The following IFT122 variants were observed in gnomAD, a reference collection of about 807,000 sequenced individuals.
The protein encoded by IFT122 is intraflagellar transport protein 122 homolog.
IFT122 carries 118 observed loss-of-function variants against 161.6 expected under a neutral mutation model. The ratio of observed to expected loss-of-function variants is 0.73; its 90% CI spans 0.63 to 0.85. The LOEUF (loss-of-function observed/expected upper bound fraction) is 0.85, where lower values mean the gene tolerates loss of function less well. Among genes scored for constraint, IFT122 ranks in the 40% least tolerant of loss-of-function variants. The pLI, the probability that IFT122 is intolerant of heterozygous loss-of-function variation, is 0.00. For synonymous variants in IFT122, 550 were observed against 602.4 expected (o/e 0.91, Z 1.27); for missense variants, 1,381 against 1,579.6 (o/e 0.87, Z 2.13).
chr3:129,450,099 A>G (rs1024579953), intron 2 of IFT122, among the ~76,000 whole-genome samples, 162 bp downstream of exon 2: 3 of 152,090 alleles, frequency 2.0e-5, no homozygotes, highest in Non-Finnish European at 4.4e-5. Flanking sequence ...GCTATTTAAA[A>G]CGGGCAAGTA....
At position 129,502,832 on chromosome 3, in the gene IFT122, G is replaced by A; in HGVS notation, c.2497G>A (p.Asp833Asn). 1 of 1,613,046 alleles carries A rather than the reference G, an allele frequency of 6.2e-7. No individual in the cohort carries two copies. The highest frequency in any genetic ancestry group is 8.5e-7 in the Non-Finnish European group (1 of 1,180,042). ...YAAETYLKMG[D>N]LKSLVQLHVE... ...TGCTGAGACCTACCTGAAGATGGGTGACCTCAAGTCCCTGGTGCAGCTGCA... is the reference window on the plus strand; with the variant it reads ...TGCTGAGACCTACCTGAAGATGGGTAACCTCAAGTCCCTGGTGCAGCTGCA... The change falls in exon 20 of 30, where the codon GAC becomes AAC. Residue 833 changes from aspartate (D) to asparagine (N), a missense_variant. Physicochemically the swap from Asp to Asn is conservative, Grantham distance 23. Coordinates refer to ENST00000348417, the MANE Select transcript of IFT122 (RefSeq NM_052989.3).
intron 3 of IFT122, among the ~76,000 whole-genome samples, chr3:129,452,427 G>A (rs1397633334): frequency 2.2e-5 from 3 of 137,170 alleles, no homozygotes; most frequent in South Asian, 4.6e-4. Context: ...AGGGCAGGGG[G>A]TTGGGTACAG....
intron 22 of IFT122, 41 bp from the exon 23 acceptor site, chr3:129,507,627 C>A: frequency 6.5e-7 from 1 of 1,528,790 alleles, no homozygotes; most frequent in Non-Finnish European, 9.1e-7. Context: ...GCCACAGACA[C>A]TGTTTGACAC....
intron 11 of IFT122, 107 bp downstream of exon 11, chr3:129,476,908 T>G: frequency 2.8e-6 from 4 of 1,438,074 alleles, no homozygotes; most frequent in Non-Finnish European, 1.9e-6. Context: ...TTTGGCGTTT[T>G]GCAAACCTGT....
At chr3:129,518,008 A>C (rs1398538618) in intron 27 of IFT122, among the ~76,000 whole-genome samples, 1 of 152,230 alleles carries the variant, frequency 6.6e-6, no homozygotes, top group Non-Finnish European at 1.5e-5. Context: ...CTGAACAAGC[A>C]AAGGGTGTGC....
intron 12 of IFT122, among the ~76,000 whole-genome samples, chr3:129,478,890 T>C (rs2078292682): frequency 6.6e-6 from 1 of 152,206 alleles, no homozygotes; most frequent in Admixed American, 6.5e-5. Context: ...AACTCAGTAA[T>C]TGTCAAGGAA....
intron 4 of IFT122, chr3:129,459,236 A>G: frequency 2.0e-5 from 9 of 449,904 alleles, no homozygotes; most frequent in South Asian, 1.4e-4. Context: ...ACTGATCAGT[A>G]TTGCTCATCG....
intron 5 of IFT122, 47 bp from the exon 6 acceptor site, chr3:129,463,513 T>C (rs1577390876): frequency 6.9e-7 from 1 of 1,443,172 alleles, no homozygotes; most frequent in Non-Finnish European, 9.8e-7. Context: ...TATTGCTGGG[T>C]AGTATTCCAA....
intron 17 of IFT122, among the ~76,000 whole-genome samples, chr3:129,492,650 A>G (rs2108453071): frequency 6.6e-6 from 1 of 152,130 alleles, no homozygotes; most frequent in South Asian, 2.1e-4. Flanking sequence ...CAAGGCCCAC[A>G]GTCTGAACTG....
intron 18 of IFT122, among the ~76,000 whole-genome samples, chr3:129,498,321 A>G (rs1362044987): frequency 6.6e-6 from 1 of 152,194 alleles, no homozygotes; most frequent in Non-Finnish European, 1.5e-5. Context: ...GTCTCCTAAG[A>G]TGCCTGTTTT....
intron 4 of IFT122, among the ~76,000 whole-genome samples, chr3:129,460,295 A>G (rs911453662): frequency 8.5e-5 from 13 of 152,290 alleles, no homozygotes; most frequent in African/African-American, 1.9e-4. Flanking sequence ...CATACCTCAT[A>G]TAAGTAGAGT....
chr3:129,474,675 G>A (rs1443096038), intron 9 of IFT122, among the ~76,000 whole-genome samples: 1 of 152,158 alleles, frequency 6.6e-6, no homozygotes, highest in African/African-American at 2.4e-5. Flanking sequence ...AGCATTGCCC[G>A]CTTAGGAAAC....
chr3:129,512,281 T>C (rs2082929878), intron 23 of IFT122, 31 bp from the exon 24 acceptor site: 1 of 1,511,708 alleles, frequency 6.6e-7, no homozygotes, highest in Non-Finnish European at 9.2e-7. Flanking sequence ...CTTGAAGAAC[T>C]CAATCCCTGT....
Position 129,502,771 on chromosome 3 carries a change from T to C in IFT122, c.2436T>C (p.Ala812=), listed in dbSNP as rs1472886977. Reference sequence around the variant, plus strand: ...AGCGCGAGCCCCTGCTGCTGTGCGCTACCTACCTCAAGAAGCTGGACAGCC... The same window carrying C: ...AGCGCGAGCCCCTGCTGCTGTGCGCCACCTACCTCAAGAAGCTGGACAGCC... ...KAEREPLLLC[A]TYLKKLDSPG... is the part of the protein sequence containing the mutation. The change falls in exon 20 of 30, where the codon GCT becomes GCC. Residue 812 remains alanine, a synonymous_variant. Transcript: ENST00000348417. 8 of 1,612,750 alleles carry C rather than the reference T, an allele frequency of 5.0e-6. No homozygotes were observed. Among genetic ancestry groups the C allele is most frequent in the Non-Finnish European group, 6.8e-6 (8 of 1,180,020 alleles).
Position 129,502,881 on chromosome 3 carries a change from A to T in IFT122, c.2546A>T (p.Glu849Val). The T allele has an allele frequency of 6.2e-7, 1 of 1,609,068 alleles. No homozygotes were observed. The highest frequency in any genetic ancestry group is 8.5e-7 in the Non-Finnish European group (1 of 1,179,948). ...QLHVETQRWD[E>V]AFALGEKHPE... The stretch of plus-strand genomic sequence containing the variant: ...CACGTGGAGACCCAGCGCTGGGATG[A>T]GGTGAGGGGAAAGCAGGCCTCATGG... Residue 849 changes from glutamate to valine, a missense_variant and splice_region_variant, in exon 20 of 30, where the codon GAG becomes GTG. This residue lies in a region of IFT122 where 496 missense variants were observed against 502.5 expected (regional missense o/e 0.99). Coordinates refer to ENST00000348417, the MANE Select transcript of IFT122 (RefSeq NM_052989.3).
Position 129,487,069 on chromosome 3 carries a change from GAC to G in IFT122, c.1852-1186_1852-1185del, listed in dbSNP as rs543599464. On this transcript the variant is annotated intron_variant, in intron 15 of 29. Transcript: ENST00000348417. ...AAAAAATGGGACTGGAAATTTCAAA[GAC>G]AGACAAAAGCCCCAAATGGAGAAAA... Among the ~76,000 whole-genome samples, 114 of 152,294 alleles carry G rather than the reference GAC, an allele frequency of 7.5e-4. 1 individual carries two copies. The highest frequency in any genetic ancestry group is 1.4e-3 in the Non-Finnish European group (94 of 68,006).
At chr3:129,477,332 G>A (rs2078072696) in intron 11 of IFT122, among the ~76,000 whole-genome samples, 1 of 152,150 alleles carries the variant, frequency 6.6e-6, no homozygotes, top group Non-Finnish European at 1.5e-5. Context: ...CTCTCCCTCT[G>A]TCCACTTAAG....
At chr3:129,460,712 A>G (rs2076124406) in intron 4 of IFT122, 2 of 745,352 alleles carry the variant, frequency 2.7e-6, no homozygotes, top group Non-Finnish European at 2.4e-6. Flanking sequence ...TCAACAAACA[A>G]TTTTTGAAGG....
intron 16 of IFT122, among the ~76,000 whole-genome samples, chr3:129,489,771 G>A (rs544540649): frequency 1.8e-4 from 27 of 151,614 alleles, no homozygotes; most frequent in South Asian, 6.3e-4. Flanking sequence ...CCTGGGAGGC[G>A]GAGCGTGCAG....
Sources: allele counts gnomAD v4.1 joint callset (sites outside exome capture counted in the v4.1 genomes callset), GRCh38; gene constraint gnomAD v4.1.1; regional missense constraint gnomAD v4.1.1; transcripts MANE v1.5; gene names NCBI Gene and HGNC (gene_info 2026-07-23, HGNC 2026-07-21).